PEX5L: variants seen among roughly 807,000 people sequenced by gnomAD.
The protein encoded by PEX5L is peroxisomal biogenesis factor 5 like.
PEX5L carries 30 observed loss-of-function variants against 84.0 expected under a neutral mutation model. The ratio of observed to expected loss-of-function variants is 0.36; its 90% CI spans 0.27 to 0.48. The LOEUF (loss-of-function observed/expected upper bound fraction) is 0.48. PEX5L is among the 20% of genes least tolerant of loss of function. PEX5L has a pLI of 0.99. For synonymous variants in PEX5L, 270 were observed against 283.1 expected (o/e 0.95, Z 0.46); for missense variants, 533 against 754.6 (o/e 0.71, Z 3.44).
In PEX5L at chr3:180,011,604, G is replaced by A. The variant is rs77046768; in HGVS notation, c.21+24975C>T. Among the ~76,000 whole-genome samples the A allele has an allele frequency of 1.2e-3, 178 of 152,246 alleles. No homozygotes were observed. The Middle Eastern group carries it at 0.014, about 12-fold the overall frequency. On this transcript the variant is annotated intron_variant, in intron 1 of 14. Coordinates refer to ENST00000467460, the MANE Select transcript of PEX5L (RefSeq NM_016559.3). ...TGGAAAAAAGGAGCATTTTTAGTAG[G>A]TCTTTGTGATAATTTGCTTAAGTGA... is the stretch of plus-strand genomic sequence containing the variant.
intron 13 of PEX5L, 37 bp downstream of exon 13, chr3:179,808,235 G>A (rs770899612): frequency 6.7e-7 from 1 of 1,494,612 alleles, no homozygotes; most frequent in East Asian, 2.3e-5. Flanking sequence ...TTGTTACAGA[G>A]AACGCTGTGG....
intron 2 of PEX5L, chr3:179,900,608 A>C: frequency 8.8e-7 from 1 of 1,136,886 alleles, no homozygotes; most frequent in South Asian, 1.3e-5. Context: ...AGCAGTGGTC[A>C]GCTAGAAAGG....
At chr3:179,981,375 G>A (rs1786314760) in intron 1 of PEX5L, among the ~76,000 whole-genome samples, 1 of 152,186 alleles carries the variant, frequency 6.6e-6, no homozygotes, top group African/African-American at 2.4e-5. Flanking sequence ...TTGGAGGAAG[G>A]AAGGCTGGAG....
intron 1 of PEX5L, among the ~76,000 whole-genome samples, chr3:180,020,794 T>C (rs1455145103): frequency 1.3e-5 from 2 of 152,236 alleles, no homozygotes; most frequent in East Asian, 3.8e-4. Context: ...TCTTCAAAGA[T>C]GCTAGATAAA....
chr3:180,024,381 C>CACA (rs1352130798), intron 1 of PEX5L, among the ~76,000 whole-genome samples: 3 of 100,906 alleles, frequency 3.0e-5, no homozygotes, highest in African/African-American at 7.5e-5. Context: ...TATACACACA[C>CACA]AAAAAAAAAA....
chr3:179,999,528 G>T (rs1339609477), intron 1 of PEX5L, among the ~76,000 whole-genome samples: 1 of 152,144 alleles, frequency 6.6e-6, no homozygotes, highest in African/African-American at 2.4e-5. Context: ...CTCTCAATAT[G>T]GCACCATTCC....
At chr3:179,987,220 C>A (rs1047847642) in intron 1 of PEX5L, among the ~76,000 whole-genome samples, 1 of 151,958 alleles carries the variant, frequency 6.6e-6, no homozygotes. Context: ...TAGCTGATAT[C>A]TTTTCCTCCC....
At chr3:180,018,254 C>A (rs1490382187) in intron 1 of PEX5L, among the ~76,000 whole-genome samples, 1 of 152,090 alleles carries the variant, frequency 6.6e-6, no homozygotes, top group African/African-American at 2.4e-5. Context: ...TATATTATGT[C>A]ACGATTAGTT....
In PEX5L at chr3:179,797,914, C is replaced by T. The variant is rs1330385533; in HGVS notation, c.*3914G>A. 1 of 152,076 alleles carries T rather than the reference C, an allele frequency of 6.6e-6. No homozygotes were observed. Among genetic ancestry groups the T allele is most frequent in the Admixed American group, 6.5e-5 (1 of 15,272 alleles). 9.4% of individuals were successfully genotyped at this position (152,076 alleles called of 1,614,324 possible). A position where few individuals can be genotyped will look rare whatever the true frequency, so the allele number is the denominator to read the frequency against. On this transcript the variant is annotated 3_prime_UTR_variant, in exon 15 of 15. Transcript: ENST00000467460. ...TACAACAACTAGCTTAAAGTACAGT[C>T]CAATCTTGGGGAACTGATTCAGGGC...
chr3:179,855,671 C>A (rs1195750988), intron 8 of PEX5L, among the ~76,000 whole-genome samples: 2 of 152,176 alleles, frequency 1.3e-5, no homozygotes, highest in Non-Finnish European at 2.9e-5. Context: ...GAGGTAGGGC[C>A]TTTGGGAGGT....
chr3:179,918,555 G>C (rs757351614), intron 2 of PEX5L, among the ~76,000 whole-genome samples: 7 of 152,098 alleles, frequency 4.6e-5, no homozygotes, highest in Non-Finnish European at 8.8e-5. Flanking sequence ...GGACCAAGGG[G>C]GCAAAAAGCC....
intron 8 of PEX5L, chr3:179,820,376 A>T (rs1243294331): frequency 1.1e-5 from 2 of 179,148 alleles, no homozygotes; most frequent in Non-Finnish European, 2.4e-5. Flanking sequence ...TTGGGAGGAC[A>T]GCCAGGTATG....
intron 3 of PEX5L, chr3:179,888,231 T>G: frequency 2.6e-6 from 3 of 1,150,576 alleles, no homozygotes; most frequent in Non-Finnish European, 3.5e-6. Context: ...AACACACGGA[T>G]CAGTGTGGGT....
At chr3:179,906,554 G>T (rs977041968) in intron 2 of PEX5L, among the ~76,000 whole-genome samples, 1 of 152,058 alleles carries the variant, frequency 6.6e-6, no homozygotes, top group South Asian at 2.1e-4. Flanking sequence ...AAGATATGTT[G>T]TTTTATTTTT....
intron 4 of PEX5L, among the ~76,000 whole-genome samples, chr3:179,883,208 G>T (rs1754706465): frequency 6.6e-6 from 1 of 152,098 alleles, no homozygotes; most frequent in African/African-American, 2.4e-5. Context: ...TAATCTTATT[G>T]TCACATATGC....
chr3:179,846,373 A>G (rs1024099895), intron 8 of PEX5L, among the ~76,000 whole-genome samples: 1 of 152,216 alleles, frequency 6.6e-6, no homozygotes, highest in African/African-American at 2.4e-5. Context: ...CTATTTTGAA[A>G]TATACAATAA....
chr3:180,027,492 C>G (rs1791071908), intron 1 of PEX5L, among the ~76,000 whole-genome samples: 2 of 152,140 alleles, frequency 1.3e-5, no homozygotes, highest in South Asian at 4.1e-4. Context: ...CTCCCTCTCT[C>G]TCTATGTATA....
At chr3:180,006,376 C>T (rs56362569) in intron 1 of PEX5L, among the ~76,000 whole-genome samples, 18,840 of 146,196 alleles carry the variant, frequency 0.13, 1,261 homozygotes, top group African/African-American at 0.19. Flanking sequence ...ATTTTTTTTT[C>T]ATTTTTACAA....
intron 1 of PEX5L, among the ~76,000 whole-genome samples, chr3:179,972,642 G>T (rs965145679): frequency 7.9e-5 from 12 of 152,228 alleles, no homozygotes; most frequent in African/African-American, 2.9e-4. Flanking sequence ...ACTTATGTTT[G>T]CATCTACTGT....
Sources: gnomAD v4.1 joint callset for allele counts (sites outside exome capture counted in the v4.1 genomes callset) on GRCh38, gnomAD v4.1.1 for gene constraint, MANE v1.5 for transcripts, NCBI Gene and HGNC (gene_info 2026-07-23, HGNC 2026-07-21) for gene names.